HPS1: variants seen among roughly 807,000 people sequenced by gnomAD.
HPS1 encodes the protein HPS1 biogenesis of lysosomal organelles complex 3 subunit 1.
In HPS1, 59 loss-of-function variants were observed where a neutral mutation model predicts 90.6. The ratio of observed to expected loss-of-function variants is 0.65; its 90% confidence interval spans 0.53 to 0.81. The LOEUF is 0.81. Ranked by LOEUF, HPS1 falls within the 30% of genes least tolerant of loss-of-function variation. HPS1 has a pLI of 0.00. For synonymous variants in HPS1, 388 were observed against 384.4 expected (o/e 1.01, Z -0.11); for missense variants, 849 against 896.7 (o/e 0.95, Z 0.68).
intron 3 of HPS1, among the ~76,000 whole-genome samples, chr10:98,441,833 T>C (rs1263612387): frequency 6.6e-6 from 1 of 152,230 alleles, no homozygotes; most frequent in Non-Finnish European, 1.5e-5. Flanking sequence ...AGACGGACTA[T>C]AGTGTTGGTG....
chr10:98,428,043 G>A (rs142748100), intron 10 of HPS1, among the ~76,000 whole-genome samples: 1 of 152,304 alleles, frequency 6.6e-6, no homozygotes, highest in African/African-American at 2.4e-5. Context: ...AGATGGTGAT[G>A]AATGAGGAAG....
intron 3 of HPS1, among the ~76,000 whole-genome samples, chr10:98,438,628 G>A (rs75135110): frequency 3.0e-4 from 45 of 152,314 alleles, no homozygotes; most frequent in Non-Finnish European, 5.7e-4. Context: ...CTAATAGATG[G>A]TTTGGAATTG....
chr10:98,418,641 G>A (rs1334100120), intron 18 of HPS1, among the ~76,000 whole-genome samples: 3 of 152,214 alleles, frequency 2.0e-5, no homozygotes, highest in African/African-American at 7.2e-5. Context: ...GGTGGGGAAG[G>A]GAATTAAGAT....
chr10:98,421,987 C>G (rs1171315457), intron 17 of HPS1, among the ~76,000 whole-genome samples: 5 of 148,202 alleles, frequency 3.4e-5, no homozygotes, highest in Non-Finnish European at 7.5e-5. Flanking sequence ...CAGACACACA[C>G]ACACACACAC....
Position 98,423,741 on chromosome 10 carries a change from C to T in HPS1, c.1532+12G>A, listed in dbSNP as rs1845217139. ...CCTGCCCTGGCCACCCAGGGGGCCGCACTGCACTTACCGCATGAGCCTCTG... is the reference window on the plus strand; with the variant it reads ...CCTGCCCTGGCCACCCAGGGGGCCGTACTGCACTTACCGCATGAGCCTCTG... On this transcript the variant is annotated intron_variant, in intron 15 of 19. Transcript: ENST00000361490. 1.2e-6 allele frequency: 2 copies of T among 1,614,126 alleles called. No individual in the cohort carries two copies. The highest frequency in any genetic ancestry group is 2.2e-5 in the East Asian group (1 of 44,880).
At chr10:98,443,349 C>T (rs1433240129) in intron 2 of HPS1, 109 bp from the exon 3 acceptor site, 3 of 828,432 alleles carry the variant, frequency 3.6e-6, no homozygotes, top group Middle Eastern at 2.2e-4. Context: ...TGAGCCCCTT[C>T]TGCACACCAG....
chr10:98,430,652 C>T lies in HPS1; in HGVS notation c.687G>A (p.Leu229=), dbSNP rs1437119587. 1 of 1,553,940 alleles carries T rather than the reference C, an allele frequency of 6.4e-7. No individual in the cohort carries two copies. The highest frequency in any genetic ancestry group is 8.7e-7 in the Non-Finnish European group (1 of 1,148,224). Residue 229 remains leucine, a synonymous_variant, in exon 8 of 20, where the codon CTG becomes CTA. Transcript: ENST00000361490. ...AFYSSHSASS[L]RPADLLALIL... The stretch of plus-strand genomic sequence containing the variant: ...TGAGGGCAAGCAGGTCGGCCGGGCG[C>T]AGGGAGCTGGCACTGTGGCTGCAGA...
rs746077103 is a variant in HPS1, at chr10:98,423,586, C to T, written c.1598+17G>A. The T allele has an allele frequency of 1.9e-6, 3 of 1,612,768 alleles. No homozygotes were observed. The highest frequency in any genetic ancestry group is 4.5e-5 in the East Asian group (2 of 44,854). On this transcript the variant is annotated intron_variant, in intron 16 of 19. Coordinates refer to ENST00000361490, the MANE Select transcript of HPS1 (RefSeq NM_000195.5). ...AAGAGGCTTGTTGGGCTGGCTGGGGCCCCGGCGTCAGGATATGACACCATG... is the reference window on the plus strand; with the variant it reads ...AAGAGGCTTGTTGGGCTGGCTGGGGTCCCGGCGTCAGGATATGACACCATG...
At position 98,431,142 on chromosome 10, in the gene HPS1, T is replaced by C. The variant is rs1471029572; in HGVS notation, c.657A>G (p.Ala219=). The stretch of plus-strand genomic sequence containing the variant: ...GACCTTGAGCTCACCTAGAGTAGAA[T>C]GCCAGCAGCTTGGAGTGCACGAGCA... ...AFLLVHSKLL[A]FYSSHSASSL... The change falls in exon 7 of 20, where the codon GCA becomes GCG. Residue 219 remains alanine (A), a synonymous_variant. Coordinates refer to ENST00000361490, the MANE Select transcript of HPS1 (RefSeq NM_000195.5). 3 of 1,614,130 alleles carry C rather than the reference T, an allele frequency of 1.9e-6. No homozygotes were observed. Among genetic ancestry groups the C allele is most frequent in the Non-Finnish European group, 2.5e-6 (3 of 1,180,022 alleles).
chr10:98,443,028 A>C, intron 3 of HPS1, 96 bp downstream of exon 3: 1 of 878,064 alleles, frequency 1.1e-6, no homozygotes, highest in Non-Finnish European at 2.0e-6. Flanking sequence ...TGCCCAGGAC[A>C]GGGTGAACAC....
chr10:98,437,973 G>C (rs894972522), intron 3 of HPS1, among the ~76,000 whole-genome samples: 5 of 152,188 alleles, frequency 3.3e-5, no homozygotes, highest in African/African-American at 4.8e-5. Flanking sequence ...AGATCTGATG[G>C]TTTTATAAGG....
At position 98,417,798 on chromosome 10, in the gene HPS1, G is replaced by C; in HGVS notation, c.1941-72C>G. On this transcript the variant is annotated intron_variant, in intron 19 of 19. Coordinates refer to ENST00000361490, the MANE Select transcript of HPS1 (RefSeq NM_000195.5). This position sits in a 1 kb window ranked among gnomAD's most constrained non-coding sequence, Gnocchi z 4.2. ...TCCTCCAGCGCCAGAGGCCTCTCTGGGCCCTCGCAAGCAAATGCCCATGCC... is the reference window on the plus strand; with the variant it reads ...TCCTCCAGCGCCAGAGGCCTCTCTGCGCCCTCGCAAGCAAATGCCCATGCC... The C allele has an allele frequency of 6.2e-6, 9 of 1,462,960 alleles. No homozygotes were observed. The highest frequency in any genetic ancestry group is 1.9e-4 in the Middle Eastern group (1 of 5,328). The allele number at this position is 1,462,960 out of a possible 1,614,324, so 90.6% of individuals were successfully genotyped here. A position where few individuals can be genotyped will look rare whatever the true frequency, so the allele number is the denominator to read the frequency against.
At chr10:98,442,890 T>C (rs1220499808) in intron 3 of HPS1, 10 of 560,618 alleles carry the variant, frequency 1.8e-5, no homozygotes, top group East Asian at 3.1e-5. Context: ...CTTGCCCTCA[T>C]TTAGTCCAGA....
chr10:98,423,551 C>T lies in HPS1; in HGVS notation c.1598+52G>A, dbSNP rs1051286622. The T allele has an allele frequency of 4.5e-6, 7 of 1,539,284 alleles. No individual in the cohort carries two copies. The African/African-American group carries it at 5.4e-5, about 12-fold the overall frequency. ...TCCCTCCAGGGAGCAGGTGTAGAGG[C>T]AGCAGATCCAAGAGGCTTGTTGGGC... On this transcript the variant is annotated intron_variant, in intron 16 of 19. Coordinates refer to ENST00000361490, the MANE Select transcript of HPS1 (RefSeq NM_000195.5).
chr10:98,426,110 C>G (rs1845572870), intron 11 of HPS1, 125 bp from the exon 12 acceptor site: 4 of 849,458 alleles, frequency 4.7e-6, no homozygotes, highest in Non-Finnish European at 7.4e-6. Context: ...TTTTTAAATT[C>G]CTGCACTCTG....
rs550612426 is a variant in HPS1, at chr10:98,435,210, C to T, written c.398+62G>A. The stretch of plus-strand genomic sequence containing the variant: ...GGCAGCTTCACAGGGGCTGGGCACA[C>T]GCTGCCTGGCCCAGCGAGGGTGCTC... On this transcript the variant is annotated intron_variant, in intron 5 of 19. Transcript: ENST00000361490. This position sits in a 1 kb window ranked among gnomAD's most constrained non-coding sequence, Gnocchi z 4.3. The T allele has an allele frequency of 3.4e-5, 54 of 1,605,820 alleles. 1 individual carries two copies. Among genetic ancestry groups the T allele is most frequent in the East Asian group, 8.9e-5 (4 of 44,820 alleles).
chr10:98,423,279 A>ACCGCCCCCCCCCCCGGG, intron 16 of HPS1, among the ~76,000 whole-genome samples: 1 of 132,148 alleles, frequency 7.6e-6, no homozygotes, highest in Admixed American at 7.5e-5. Flanking sequence ...GACCACAGGA[A>ACCGCCCCCCCCCCCGGG]CCCCCCCCCC....
At chr10:98,416,097 C>T (rs1844077519), downstream of HPS1, 1 of 152,444 alleles carries the variant, frequency 6.6e-6, no homozygotes. Context: ...TAACGAATCT[C>T]AGAACTGGGA....
chr10:98,440,315 G>A (rs1462608551), intron 3 of HPS1, among the ~76,000 whole-genome samples: 1 of 152,060 alleles, frequency 6.6e-6, no homozygotes, highest in East Asian at 1.9e-4. Flanking sequence ...GAATTTATCT[G>A]ACATGAGATA....
Sources: gnomAD v4.1 joint callset for allele counts (sites outside exome capture counted in the v4.1 genomes callset) on GRCh38, gnomAD v4.1.1 for gene constraint, Gnocchi (gnomAD v3.1) non-coding constraint, MANE v1.5 for transcripts, NCBI Gene and HGNC (gene_info 2026-07-23, HGNC 2026-07-21) for gene names.